Variants in MEGF9 observed in about 807,000 individuals in gnomAD.
MEGF9 encodes multiple epidermal growth factor-like domains protein 9.
MEGF9 carries 6 observed loss-of-function variants against 46.8 expected under a neutral mutation model. The observed-to-expected ratio is 0.13, with a 90% CI of 0.07 to 0.25. MEGF9 has a LOEUF of 0.25. Among genes scored for constraint, MEGF9 ranks in the 10% least tolerant of loss-of-function variants. The pLI, the probability that MEGF9 is intolerant of heterozygous loss-of-function variation, is 1.00. For missense variants in MEGF9, 683 were observed against 792.4 expected, an observed-to-expected ratio of 0.86 and a Z score of 1.66; for synonymous variants, 302 against 330.7, an observed-to-expected ratio of 0.91 and a Z score of 0.94.
chr9:120,677,245 C>T (rs1010756047), intron 1 of MEGF9, among the ~76,000 whole-genome samples: 17 of 152,048 alleles, frequency 1.1e-4, no homozygotes, highest in African/African-American at 3.9e-4. Flanking sequence ...CCTCCCACCT[C>T]AGCTTCCCAA....
rs150214293 is a variant in MEGF9, at chr9:120,634,074, A to G, written c.804-11319T>C. The stretch of plus-strand genomic sequence containing the variant: ...ATGTACATTTTGTAGCTTTTGGATT[A>G]AATGTTCTGTCAACGTCTGTTAGGT... On this transcript the variant is annotated intron_variant, in intron 2 of 5. Transcript: ENST00000373930. 7.9e-5 allele frequency among the ~76,000 whole-genome samples: 12 copies of G among 152,356 alleles called. No homozygotes were observed. The East Asian group carries it at 2.3e-3, about 29-fold the overall frequency.
intron 2 of MEGF9, among the ~76,000 whole-genome samples, chr9:120,652,337 C>T (rs1475442264): frequency 6.6e-6 from 1 of 150,732 alleles, no homozygotes; most frequent in East Asian, 1.9e-4. Context: ...AATAGGCAGG[C>T]GTGGTGGTGC....
intron 1 of MEGF9, among the ~76,000 whole-genome samples, chr9:120,706,690 C>T (rs2043930619): frequency 1.3e-5 from 2 of 152,118 alleles, no homozygotes; most frequent in Admixed American, 6.5e-5. Context: ...CAAAAACTAG[C>T]TAGGCGTGGT....
At chr9:120,613,697 A>G (rs1486747434) in intron 3 of MEGF9, among the ~76,000 whole-genome samples, 1 of 152,204 alleles carries the variant, frequency 6.6e-6, no homozygotes, top group East Asian at 1.9e-4. Flanking sequence ...ATACAAAATG[A>G]GAAAGTGTAA....
At chr9:120,706,639 A>G (rs993812291) in intron 1 of MEGF9, among the ~76,000 whole-genome samples, 1 of 152,224 alleles carries the variant, frequency 6.6e-6, no homozygotes. Context: ...GTTCGAGACT[A>G]GCCTGGGCAA....
chr9:120,683,838 G>A (rs954956234), intron 1 of MEGF9, among the ~76,000 whole-genome samples: 1 of 151,830 alleles, frequency 6.6e-6, no homozygotes, highest in Non-Finnish European at 1.5e-5. Flanking sequence ...AGGCTGCAGT[G>A]AGCCATGATC....
rs1400984227 is a variant in MEGF9 at position 120,604,389 on chromosome 9, T to C, written c.*801A>G. 2 of 152,542 alleles carry C rather than the reference T, an allele frequency of 1.3e-5. No homozygotes were observed. Among genetic ancestry groups the C allele is most frequent in the Non-Finnish European group, 2.9e-5 (2 of 68,028 alleles). The allele number at this position is 152,542 out of a possible 1,614,324, so 9.4% of individuals were successfully genotyped here. A position where few individuals can be genotyped will look rare whatever the true frequency, so the allele number is the denominator to read the frequency against. ...TGCTGTACAAATAAATTCCAGATGA[T>C]AAAATATGACATGATTTTTTTTTTA... is the stretch of plus-strand genomic sequence containing the variant. On this transcript the variant is annotated 3_prime_UTR_variant, in exon 6 of 6. Transcript: ENST00000373930.
chr9:120,690,806 C>G (rs1437868380), intron 1 of MEGF9, among the ~76,000 whole-genome samples: 1 of 151,950 alleles, frequency 6.6e-6, no homozygotes, highest in Non-Finnish European at 1.5e-5. Flanking sequence ...TAGGATAGGA[C>G]AGAGGAGGAG....
intron 2 of MEGF9, among the ~76,000 whole-genome samples, chr9:120,635,197 A>C (rs750057179): frequency 1.9e-4 from 29 of 151,710 alleles, no homozygotes; most frequent in Non-Finnish European, 3.4e-4. Flanking sequence ...GTTAATGAAG[A>C]CTCCCTTATA....
chr9:120,685,581 T>A (rs1473488614), intron 1 of MEGF9, among the ~76,000 whole-genome samples: 1 of 152,222 alleles, frequency 6.6e-6, no homozygotes, highest in African/African-American at 2.4e-5. Flanking sequence ...ATACATCCCA[T>A]TCACTACTTT....
intron 2 of MEGF9, among the ~76,000 whole-genome samples, chr9:120,637,014 G>A (rs2043580168): frequency 6.6e-6 from 1 of 152,236 alleles, no homozygotes; most frequent in South Asian, 2.1e-4. Context: ...GTGGGGAAAA[G>A]AGAGATCAGA....
chr9:120,689,355 G>C (rs958954765), intron 1 of MEGF9, among the ~76,000 whole-genome samples: 3 of 152,170 alleles, frequency 2.0e-5, no homozygotes, highest in Non-Finnish European at 4.4e-5. Flanking sequence ...TTGTGGCTGG[G>C]ACACAGAATG....
intron 3 of MEGF9, among the ~76,000 whole-genome samples, chr9:120,615,815 G>T (rs1452618804): frequency 6.6e-6 from 1 of 152,030 alleles, no homozygotes; most frequent in African/African-American, 2.4e-5. Context: ...GATCGCTTGA[G>T]TCTGGAAGGT....
intron 1 of MEGF9, 142 bp from the exon 2 acceptor site, chr9:120,659,717 T>C (rs1020128727): frequency 1.4e-6 from 1 of 710,382 alleles, no homozygotes. Context: ...TCAAATTTAC[T>C]TTCTATCCCG....
At chr9:120,614,017 A>ATT (rs5900454) in intron 3 of MEGF9, among the ~76,000 whole-genome samples, 1 of 147,318 alleles carries the variant, frequency 6.8e-6, no homozygotes, top group Non-Finnish European at 1.5e-5. Context: ...AAAAAGCTCA[A>ATT]TTTTTTTTTT....
intron 1 of MEGF9, among the ~76,000 whole-genome samples, chr9:120,676,861 T>C (rs2043775379): frequency 6.6e-6 from 1 of 152,230 alleles, no homozygotes; most frequent in Non-Finnish European, 1.5e-5. Flanking sequence ...ACCTTGCAAC[T>C]GTAGAGACTG....
At chr9:120,712,066 G>C (rs1167535770) in intron 1 of MEGF9, among the ~76,000 whole-genome samples, 2 of 152,126 alleles carry the variant, frequency 1.3e-5, no homozygotes, top group African/African-American at 4.8e-5. Flanking sequence ...AGACTAGCCT[G>C]GGCAATATAG....
Position 120,714,323 on chromosome 9 carries a change from C to G in MEGF9, c.36G>C (p.Leu12=), listed in dbSNP as rs912285082. 7.4e-7 allele frequency: 1 copy of G among 1,350,084 alleles called. No homozygotes were observed. The highest frequency in any genetic ancestry group is 1.8e-5 in the South Asian group (1 of 56,932). 83.6% of individuals were successfully genotyped at this position (1,350,084 alleles called of 1,614,324 possible). A position where few individuals can be genotyped will look rare whatever the true frequency, so the allele number is the denominator to read the frequency against. The change falls in exon 1 of 6, where the codon CTG becomes CTC. Residue 12 remains leucine (L), a synonymous_variant. Coordinates refer to ENST00000373930, the MANE Select transcript of MEGF9 (RefSeq NM_001080497.3). ...ACAGGGCGAGGCCGCCCAGGCTCGG[C>G]AGGCTCCTCATGGCGCGCTCGGCTC... is the stretch of plus-strand genomic sequence containing the variant. The part of the protein sequence containing the change: ...NGGAERAMRS[L]PSLGGLALLC...
intron 1 of MEGF9, among the ~76,000 whole-genome samples, chr9:120,694,814 G>A (rs976866160): frequency 2.6e-5 from 4 of 152,150 alleles, no homozygotes. Flanking sequence ...GGAAGAAGAG[G>A]TAACCAAAGA....
Sources: allele counts gnomAD v4.1 joint callset (sites outside exome capture counted in the v4.1 genomes callset), GRCh38; gene constraint gnomAD v4.1.1; transcripts MANE v1.5; gene names NCBI Gene and HGNC (gene_info 2026-07-23, HGNC 2026-07-21).